Variants in CYP4A11 observed in about 807,000 individuals in gnomAD.
The protein encoded by CYP4A11 is cytochrome P450 family 4 subfamily A member 11, also known as cytochrome P450 4A11.
In CYP4A11, 52 loss-of-function variants were observed where a neutral mutation model predicts 57.7. The observed-to-expected ratio is 0.90, with a 90% CI of 0.72 to 1.14. The LOEUF is 1.14. Ranked by LOEUF, CYP4A11 falls within the 50% of genes most tolerant of loss-of-function variation. The pLI is 0.00. For missense variants in CYP4A11, 641 were observed against 642.1 expected (o/e 1.00, Z 0.02); for synonymous variants, 228 against 247.1 (o/e 0.92, Z 0.72).
intron 10 of CYP4A11, 62 bp from the exon 11 acceptor site, chr1:46,932,899 G>A: frequency 1.9e-6 from 3 of 1,614,074 alleles, no homozygotes; most frequent in Middle Eastern, 1.6e-4. Flanking sequence ...CCACCCATGG[G>A]GGACAGGACT....
At chr1:46,935,734 C>G (rs1681347487) in intron 4 of CYP4A11, 87 bp from the exon 5 acceptor site, 1 of 1,553,998 alleles carries the variant, frequency 6.4e-7, no homozygotes. Context: ...CTGCAGATAT[C>G]CTGTTTTTTC....
chr1:46,940,070 C>G (rs960315093), intron 1 of CYP4A11, among the ~76,000 whole-genome samples: 24 of 151,572 alleles, frequency 1.6e-4, no homozygotes, highest in Admixed American at 1.3e-4. Context: ...CTGCTCTGTT[C>G]CTACCCGCCC....
In CYP4A11 at chr1:46,930,031, G is replaced by C; in HGVS notation, c.*84C>G. 3 of 1,469,794 alleles carry C rather than the reference G, an allele frequency of 2.0e-6. No individual in the cohort carries two copies. Among genetic ancestry groups the C allele is most frequent in the Non-Finnish European group, 2.7e-6 (3 of 1,098,776 alleles). 91.0% of individuals were successfully genotyped at this position (1,469,794 alleles called of 1,614,324 possible). A position where few individuals can be genotyped will look rare whatever the true frequency, so the allele number is the denominator to read the frequency against. ...AGCAGGCAGGTGGGAAGAAGGGAAGGTGGGCAGACAGAAAACAGGATATGG... is the reference window on the plus strand; with the variant it reads ...AGCAGGCAGGTGGGAAGAAGGGAAGCTGGGCAGACAGAAAACAGGATATGG... On this transcript the variant is annotated 3_prime_UTR_variant, in exon 12 of 12. Transcript: ENST00000310638.
At position 46,929,915 on chromosome 1, in the gene CYP4A11, C is replaced by G; in HGVS notation, c.*200G>C. ...TCCCAACACTCAGCTTTTCTCCCAA[C>G]AAGAGATACAGGTGGGTAGGAGACA... On this transcript the variant is annotated 3_prime_UTR_variant, in exon 12 of 12. Coordinates refer to ENST00000310638, the MANE Select transcript of CYP4A11 (RefSeq NM_000778.4). 7.1e-6 allele frequency: 5 copies of G among 708,118 alleles called. No homozygotes were observed. In the South Asian group the frequency reaches 9.3e-5, roughly 13 times the overall value. The allele number at this position is 708,118 out of a possible 1,614,324, so 43.9% of individuals were successfully genotyped here. A position where few individuals can be genotyped will look rare whatever the true frequency, so the allele number is the denominator to read the frequency against.
In CYP4A11 at chr1:46,938,144, A is replaced by T; in HGVS notation, c.196-7T>A. ...GCTCCTGGTCCTGTTGGAGCTGTCAACAAGGGTAGACAGATGAACACTTTC... is the reference window on the plus strand; with the variant it reads ...GCTCCTGGTCCTGTTGGAGCTGTCATCAAGGGTAGACAGATGAACACTTTC... On this transcript the variant is annotated splice_polypyrimidine_tract_variant and splice_region_variant and intron_variant, in intron 1 of 11. Coordinates refer to ENST00000310638, the MANE Select transcript of CYP4A11 (RefSeq NM_000778.4). The T allele has an allele frequency of 6.2e-7, 1 of 1,614,186 alleles. No individual in the cohort carries two copies. Among genetic ancestry groups the T allele is most frequent in the South Asian group, 1.1e-5 (1 of 91,066 alleles).
At chr1:46,934,396 T>C (rs1178420474) in intron 7 of CYP4A11, 30 bp from the exon 8 acceptor site, 21 of 1,542,100 alleles carry the variant, frequency 1.4e-5, no homozygotes, top group Non-Finnish European at 1.9e-5. Context: ...AATGCAGGGC[T>C]TGTCTCTTGC....
At chr1:46,935,192 G>C (rs1404933975) in intron 5 of CYP4A11, 38 bp from the exon 6 acceptor site, 1 of 1,594,988 alleles carries the variant, frequency 6.3e-7, no homozygotes, top group East Asian at 2.2e-5. Flanking sequence ...CAGTAGGGGT[G>C]GGCCCATTAC....
rs566344740 is a variant in CYP4A11, at chr1:46,929,738, G to A, written c.*377C>T. On this transcript the variant is annotated 3_prime_UTR_variant, in exon 12 of 12. Transcript: ENST00000310638. ...CAAGCCACGAGGGGTTTTATGCCCCGGGCTTAGATTATGGTGCGTCAGGGT... is the reference window on the plus strand; with the variant it reads ...CAAGCCACGAGGGGTTTTATGCCCCAGGCTTAGATTATGGTGCGTCAGGGT... 243 of 138,574 alleles carry A rather than the reference G, an allele frequency of 1.8e-3. 1 individual carries two copies. Among genetic ancestry groups the A allele is most frequent in the African/African-American group, 5.9e-3 (229 of 38,738 alleles). 8.6% of individuals were successfully genotyped at this position (138,574 alleles called of 1,614,324 possible).
intron 1 of CYP4A11, among the ~76,000 whole-genome samples, chr1:46,940,216 G>A (rs1681667788): frequency 6.6e-6 from 1 of 152,110 alleles, no homozygotes; most frequent in Admixed American, 6.5e-5. Flanking sequence ...AGGCCACATT[G>A]GAAGAAAAAT....
chr1:46,936,607 T>A, intron 4 of CYP4A11, 57 bp downstream of exon 4: 1 of 1,513,280 alleles, frequency 6.6e-7, no homozygotes, highest in Non-Finnish European at 8.9e-7. Flanking sequence ...GAGAGTGGAG[T>A]TGGTGAGAGT....
rs559322658 is a variant in CYP4A11 at position 46,932,712 on chromosome 1, A to G, written c.1364+49T>C. The G allele has an allele frequency of 1.9e-5, 31 of 1,614,158 alleles. No individual in the cohort carries two copies. In the East Asian group the frequency reaches 6.5e-4, roughly 34 times the overall value. On this transcript the variant is annotated intron_variant, in intron 11 of 11. Coordinates refer to ENST00000310638, the MANE Select transcript of CYP4A11 (RefSeq NM_000778.4). ...GCTCACAAAGATCAGAGGGTTGACC[A>G]GAGACTTCCCTCATTCCTCTATTCG...
intron 4 of CYP4A11, among the ~76,000 whole-genome samples, chr1:46,936,333 A>G (rs1465654178): frequency 6.6e-6 from 1 of 152,250 alleles, no homozygotes; most frequent in East Asian, 1.9e-4. Context: ...TGCCCAGGCC[A>G]GCCAGCATAG....
In CYP4A11 at chr1:46,933,067, C is replaced by G. The variant is rs745792523; in HGVS notation, c.1223-20G>C. 4.5e-5 allele frequency: 73 copies of G among 1,613,430 alleles called. No homozygotes were observed. The highest frequency in any genetic ancestry group is 2.7e-4 in the East Asian group (12 of 44,852). ...TGATACCTGTGGTGCAGGTTGGAAA[C>G]AGAGAGAAGACCAATCATTTGCATG... On this transcript the variant is annotated intron_variant, in intron 9 of 11. Coordinates refer to ENST00000310638, the MANE Select transcript of CYP4A11 (RefSeq NM_000778.4).
At position 46,940,501 on chromosome 1, in the gene CYP4A11, C is replaced by T. The variant is rs543462157; in HGVS notation, c.195+738G>A. Among the ~76,000 whole-genome samples, 10 of 152,220 alleles carry T rather than the reference C, an allele frequency of 6.6e-5. No homozygotes were observed. In the South Asian group the frequency reaches 8.3e-4, roughly 13 times the overall value. On this transcript the variant is annotated intron_variant, in intron 1 of 11. Coordinates refer to ENST00000310638, the MANE Select transcript of CYP4A11 (RefSeq NM_000778.4). ...GCTCACCGCCAGGGAGCTCACAGTC[C>T]GGGTGTGTGGGAGGAGAGCCAGGAG... is the stretch of plus-strand genomic sequence containing the variant.
At chr1:46,940,380 G>T (rs184627653) in intron 1 of CYP4A11, among the ~76,000 whole-genome samples, 1 of 152,182 alleles carries the variant, frequency 6.6e-6, no homozygotes, top group African/African-American at 2.4e-5. Flanking sequence ...AGCCCCATGG[G>T]GCGTGGGTTG....
chr1:46,938,249 C>T (rs1187606492), intron 1 of CYP4A11, 112 bp from the exon 2 acceptor site: 4 of 1,450,254 alleles, frequency 2.8e-6, no homozygotes, highest in Non-Finnish European at 3.8e-6. Flanking sequence ...GGATTTAGAT[C>T]TGTTTCTGAT....
At chr1:46,936,064 G>T (rs917950338) in intron 4 of CYP4A11, among the ~76,000 whole-genome samples, 6 of 152,188 alleles carry the variant, frequency 3.9e-5, no homozygotes, top group African/African-American at 2.4e-5. Context: ...TTGAGGGGCC[G>T]GAATGGGCAC....
chr1:46,937,847 T>G, intron 2 of CYP4A11, 149 bp downstream of exon 2: 1 of 1,257,494 alleles, frequency 8.0e-7, no homozygotes, highest in Non-Finnish European at 1.1e-6. Context: ...TTTTTGACTA[T>G]AGCCTGGGCA....
chr1:46,931,979 T>C (rs1681055635), intron 11 of CYP4A11: 1 of 985,198 alleles, frequency 1.0e-6, no homozygotes. Context: ...CGTTATATGA[T>C]AATTATTGGG....
Sources: allele counts gnomAD v4.1 joint callset (sites outside exome capture counted in the v4.1 genomes callset), GRCh38; gene constraint gnomAD v4.1.1; transcripts MANE v1.5; gene names NCBI Gene and HGNC (gene_info 2026-07-23, HGNC 2026-07-21).